The following FBH1 variants were observed in gnomAD, a reference collection of about 807,000 sequenced individuals.
The protein encoded by FBH1 is DNA 3'-5' helicase 1.
A neutral mutation model predicts 115.5 loss-of-function variants in FBH1; 43 were observed. The ratio of observed to expected loss-of-function variants is 0.37; its 90% CI spans 0.29 to 0.48. The LOEUF (loss-of-function observed/expected upper bound fraction) is 0.48. Ranked by LOEUF, FBH1 falls within the 20% of genes least tolerant of loss-of-function variation. The pLI, the probability that FBH1 is intolerant of heterozygous loss-of-function variation, is 0.99. For missense variants in FBH1, 1,001 were observed against 1,337.3 expected, an observed-to-expected ratio of 0.75 and a Z score of 3.92; for synonymous variants, 524 against 507.8, an observed-to-expected ratio of 1.03 and a Z score of -0.43.
rs1832517766 is a variant in FBH1 at position 5,924,569 on chromosome 10, G to A, written c.2596+61G>A. On this transcript the variant is annotated intron_variant, in intron 17 of 20. Transcript: ENST00000362091. The surrounding 1 kb of genome is among the most constrained non-coding windows in gnomAD (Gnocchi z 6.2). ...GAGGAGGAACAGATGGTCTTCTGCT[G>A]TTCTTTTTTTTTTTTTGAGACAGAG... 5 of 1,477,210 alleles carry A rather than the reference G, an allele frequency of 3.4e-6. No individual in the cohort carries two copies. The highest frequency in any genetic ancestry group is 1.4e-5 in the African/African-American group (1 of 69,468). 91.5% of individuals were successfully genotyped at this position (1,477,210 alleles called of 1,614,324 possible). A position where few individuals can be genotyped will look rare whatever the true frequency, so the allele number is the denominator to read the frequency against.
chr10:5,915,350 G>A lies in FBH1; in HGVS notation c.1397-53G>A. The A allele has an allele frequency of 6.3e-7, 1 of 1,589,684 alleles. No individual in the cohort carries two copies. The highest frequency in any genetic ancestry group is 1.3e-5 in the African/African-American group (1 of 74,464). ...GGACAAGGCCTGATTGGGGATCCCT[G>A]GGCATGTCTTGTCTGGTCAGAGGGT... On this transcript the variant is annotated intron_variant, in intron 8 of 20. Transcript: ENST00000362091. This position sits in a 1 kb window ranked among gnomAD's most constrained non-coding sequence, Gnocchi z 5.2.
In FBH1 at chr10:5,914,617, C is replaced by T. The variant is rs977064844; in HGVS notation, c.1396+348C>T. On this transcript the variant is annotated intron_variant, in intron 8 of 20. Transcript: ENST00000362091. This position sits in a 1 kb window ranked among gnomAD's most constrained non-coding sequence, Gnocchi z 5.2. ...TCCCCAGCCCAGGGTTTCAGGAGCT[C>T]CCCAGTTTTATAGGGTGATGTCTAG... Among the ~76,000 whole-genome samples the T allele has an allele frequency of 6.6e-6, 1 of 152,122 alleles. No homozygotes were observed. The highest frequency in any genetic ancestry group is 2.4e-5 in the African/African-American group (1 of 41,406).
Position 5,915,635 on chromosome 10 carries a change from G to A in FBH1, c.1565+64G>A, listed in dbSNP as rs1406695803. On this transcript the variant is annotated intron_variant, in intron 9 of 20. Coordinates refer to ENST00000362091, the MANE Select transcript of FBH1 (RefSeq NM_178150.3). The surrounding 1 kb of genome is among the most constrained non-coding windows in gnomAD (Gnocchi z 5.2). Reference sequence around the variant, plus strand: ...CACGGTCGCGTCTTACTGTTTTCCCGTGACGATCACATGTGAGCTTACACC... The same window carrying A: ...CACGGTCGCGTCTTACTGTTTTCCCATGACGATCACATGTGAGCTTACACC... 28 of 1,500,852 alleles carry A rather than the reference G, an allele frequency of 1.9e-5. No individual in the cohort carries two copies. Among genetic ancestry groups the A allele is most frequent in the South Asian group, 8.5e-5 (7 of 82,834 alleles). 93.0% of individuals were successfully genotyped at this position (1,500,852 alleles called of 1,614,324 possible).
chr10:5,905,752 G>A (rs910525664), intron 2 of FBH1, among the ~76,000 whole-genome samples: 4 of 152,118 alleles, frequency 2.6e-5, no homozygotes, highest in South Asian at 2.1e-4. Context: ...CCTGTGCAGC[G>A]TGTTTCTCTG....
chr10:5,898,097 C>G (rs748153731), intron 1 of FBH1, among the ~76,000 whole-genome samples: 1 of 152,206 alleles, frequency 6.6e-6, no homozygotes, highest in Non-Finnish European at 1.5e-5. Context: ...CCTCATCCTT[C>G]TTGACCCACT....
rs1324958197 is a variant in FBH1, at chr10:5,925,315, T to G, written c.2597-52T>G. On this transcript the variant is annotated intron_variant, in intron 17 of 20. Transcript: ENST00000362091. The surrounding 1 kb of genome is among the most constrained non-coding windows in gnomAD (Gnocchi z 4.6). ...GGAAACATGTATGTTTTTGTCATCT[T>G]GTTTCTTTCCCTTTGAAGCACCATC... 6.3e-7 allele frequency: 1 copy of G among 1,598,328 alleles called. No homozygotes were observed. Among genetic ancestry groups the G allele is most frequent in the African/African-American group, 1.3e-5 (1 of 74,270 alleles).
rs547178364 is a variant in FBH1 at position 5,932,072 on chromosome 10, A to C, written c.2830-4384A>C. ...TGAGGTGGGAGAATCGCGTGAACCC[A>C]GGAGGCGGAGATTGCAGTGAGCTGA... On this transcript the variant is annotated intron_variant, in intron 19 of 20. Coordinates refer to ENST00000362091, the MANE Select transcript of FBH1 (RefSeq NM_178150.3). The surrounding 1 kb of genome is among the most constrained non-coding windows in gnomAD (Gnocchi z 5.9). Among the ~76,000 whole-genome samples the C allele has an allele frequency of 2.6e-5, 4 of 152,324 alleles. No individual in the cohort carries two copies. In the East Asian group the frequency reaches 5.8e-4, roughly 22 times the overall value.
At position 5,906,235 on chromosome 10, in the gene FBH1, C is replaced by A; in HGVS notation, c.356C>A (p.Pro119His). The A allele has an allele frequency of 1.2e-6, 2 of 1,614,230 alleles. No individual in the cohort carries two copies. The highest frequency in any genetic ancestry group is 1.7e-6 in the Non-Finnish European group (2 of 1,180,044). ...CCGGGCTCACCAGGGTCTGCCCCGCCCTCCAGGAAGCGGTCTTGGTCCTCT... is the reference window on the plus strand; with the variant it reads ...CCGGGCTCACCAGGGTCTGCCCCGCACTCCAGGAAGCGGTCTTGGTCCTCT... Reference protein sequence around the residue: ...AGPGSPGSAPPSRKRSWSSEE... With the variant: ...AGPGSPGSAPHSRKRSWSSEE... The change falls in exon 3 of 21, where the codon CCC (proline) becomes CAC (histidine). Residue 119 changes from proline (P) to histidine (H), a missense_variant. Transcript: ENST00000362091. The surrounding 1 kb of genome is among the most constrained non-coding windows in gnomAD (Gnocchi z 7.3).
chr10:5,933,658 T>A lies in FBH1; in HGVS notation c.2830-2798T>A, dbSNP rs552197160. Among the ~76,000 whole-genome samples the A allele has an allele frequency of 0.013, 1,867 of 144,150 alleles. 26 individuals are homozygous for A. Among genetic ancestry groups the A allele is most frequent in the East Asian group, 0.055 (263 of 4,760 alleles). The allele number at this position is 144,150 out of a possible 152,430, so 94.6% of individuals were successfully genotyped here. On this transcript the variant is annotated intron_variant, in intron 19 of 20. Coordinates refer to ENST00000362091, the MANE Select transcript of FBH1 (RefSeq NM_178150.3). The surrounding 1 kb of genome is among the most constrained non-coding windows in gnomAD (Gnocchi z 4.9). The stretch of plus-strand genomic sequence containing the variant: ...CACTCTGCTGTTTTTTTTTTTTTTT[T>A]AAAAAACAGAGTCTCACTCTGTCGC...
Position 5,911,061 on chromosome 10 carries a change from G to C in FBH1, c.1144G>C (p.Glu382Gln). ...SSTVTMPDVT[E>Q]TLYCIAVLLY... is the part of the protein sequence containing the mutation. Reference sequence around the variant, plus strand: ...CACGGTGACCATGCCAGATGTCACCGAGACCCTGTACTGCATAGCCGTGCT... The same window carrying C: ...CACGGTGACCATGCCAGATGTCACCCAGACCCTGTACTGCATAGCCGTGCT... Residue 382 changes from glutamate to glutamine, a missense_variant, in exon 6 of 21, where the codon GAG becomes CAG. Transcript: ENST00000362091. The surrounding 1 kb of genome is among the most constrained non-coding windows in gnomAD (Gnocchi z 5.4). 1 of 1,613,360 alleles carries C rather than the reference G, an allele frequency of 6.2e-7. No homozygotes were observed. Among genetic ancestry groups the C allele is most frequent in the Non-Finnish European group, 8.5e-7 (1 of 1,180,024 alleles).
chr10:5,917,090 G>GT lies in FBH1; in HGVS notation c.1789-329dup. On this transcript the variant is annotated intron_variant, in intron 10 of 20. Coordinates refer to ENST00000362091, the MANE Select transcript of FBH1 (RefSeq NM_178150.3). This position sits in a 1 kb window ranked among gnomAD's most constrained non-coding sequence, Gnocchi z 5.6. ...AAAGTCTGTTTCTTTTTTTCATCAAGTCTTTTCAATCATGTGCCATTGTTT... is the reference window on the plus strand; with the variant it reads ...AAAGTCTGTTTCTTTTTTTCATCAAGTTCTTTTCAATCATGTGCCATTGTTT... 3.7e-6 allele frequency: 1 copy of GT among 270,106 alleles called. No individual in the cohort carries two copies. The highest frequency in any genetic ancestry group is 4.9e-5 in the Admixed American group (1 of 20,558). 16.7% of individuals were successfully genotyped at this position (270,106 alleles called of 1,614,324 possible). A position where few individuals can be genotyped will look rare whatever the true frequency, so the allele number is the denominator to read the frequency against.
rs1382458945 is a variant in FBH1 at position 5,915,647 on chromosome 10, TGTGAG to T, written c.1565+77_1565+81del. The T allele has an allele frequency of 2.8e-5, 40 of 1,404,872 alleles. No individual in the cohort carries two copies. The highest frequency in any genetic ancestry group is 4.0e-5 in the Non-Finnish European group (40 of 1,012,224). 87.0% of individuals were successfully genotyped at this position (1,404,872 alleles called of 1,614,324 possible). On this transcript the variant is annotated intron_variant, in intron 9 of 20. Transcript: ENST00000362091. The surrounding 1 kb of genome is among the most constrained non-coding windows in gnomAD (Gnocchi z 5.2). Reference sequence around the variant, plus strand: ...TTACTGTTTTCCCGTGACGATCACATGTGAGCTTACACCACAGTGACCCCGAGGAG... The same window carrying T: ...TTACTGTTTTCCCGTGACGATCACATCTTACACCACAGTGACCCCGAGGAG...
At chr10:5,903,853 T>C (rs966734767) in intron 2 of FBH1, among the ~76,000 whole-genome samples, 1 of 152,188 alleles carries the variant, frequency 6.6e-6, no homozygotes, top group African/African-American at 2.4e-5. Context: ...CTCCAAAATA[T>C]TCCTTCATCC....
chr10:5,914,076 G>T lies in FBH1; in HGVS notation c.1305-102G>T. 1 of 1,178,840 alleles carries T rather than the reference G, an allele frequency of 8.5e-7. No individual in the cohort carries two copies. 73.0% of individuals were successfully genotyped at this position (1,178,840 alleles called of 1,614,324 possible). A position where few individuals can be genotyped will look rare whatever the true frequency, so the allele number is the denominator to read the frequency against. On this transcript the variant is annotated intron_variant, in intron 7 of 20. Transcript: ENST00000362091. The surrounding 1 kb of genome is among the most constrained non-coding windows in gnomAD (Gnocchi z 5.2). Reference sequence around the variant, plus strand: ...TAAGGGGAGGCCTTTTTTTTGGTCAGCTTTTGTTTATCCAGTTTGTATGTT... The same window carrying T: ...TAAGGGGAGGCCTTTTTTTTGGTCATCTTTTGTTTATCCAGTTTGTATGTT...
In FBH1 at chr10:5,895,149, C is replaced by T. The variant is rs758008740; in HGVS notation, c.1+4803C>T. On this transcript the variant is annotated intron_variant, in intron 1 of 20. Transcript: ENST00000362091. This position sits in a 1 kb window ranked among gnomAD's most constrained non-coding sequence, Gnocchi z 5.0. ...CATCTCCACAGGAGATGCCAGAGGACGAGTGCCCACTTGCTGGTCTTCACA... is the reference window on the plus strand; with the variant it reads ...CATCTCCACAGGAGATGCCAGAGGATGAGTGCCCACTTGCTGGTCTTCACA... 14 of 1,613,494 alleles carry T rather than the reference C, an allele frequency of 8.7e-6. No individual in the cohort carries two copies. Among genetic ancestry groups the T allele is most frequent in the South Asian group, 4.4e-5 (4 of 91,052 alleles).
intron 1 of FBH1, chr10:5,894,635 G>A (rs1842908175): frequency 1.4e-6 from 1 of 720,122 alleles, no homozygotes; most frequent in Admixed American, 2.0e-5. Context: ...GGAGAGTTGA[G>A]AGCTTCAAAG....
rs997716343 is a variant in FBH1, at chr10:5,911,506, C to T, written c.1211+378C>T. On this transcript the variant is annotated intron_variant, in intron 6 of 20. Coordinates refer to ENST00000362091, the MANE Select transcript of FBH1 (RefSeq NM_178150.3). This position sits in a 1 kb window ranked among gnomAD's most constrained non-coding sequence, Gnocchi z 5.4. ...TCCCACTTGTGGGATGGAAAAGACT[C>T]ATCCACCTTATCCTCCATGCGGGAG... 2.6e-5 allele frequency among the ~76,000 whole-genome samples: 4 copies of T among 152,222 alleles called. No individual in the cohort carries two copies. The highest frequency in any genetic ancestry group is 9.7e-5 in the African/African-American group (4 of 41,450).
chr10:5,924,367 A>C lies in FBH1; in HGVS notation c.2455A>C (p.Ser819Arg), dbSNP rs199605113. ...AAGATGGGTGCACAAAGAAGGCTTT[A>C]GTGGCTTCAAGAGGTATGTGACCGC... is the stretch of plus-strand genomic sequence containing the variant. ...IRRWVHKEGF[S>R]GFKRYVTAAE... The change falls in exon 17 of 21, where the codon AGT becomes CGT. Residue 819 changes from serine to arginine, a missense_variant. Ser to Arg is a moderately radical substitution (Grantham distance 110). Coordinates refer to ENST00000362091, the MANE Select transcript of FBH1 (RefSeq NM_178150.3). The surrounding 1 kb of genome is among the most constrained non-coding windows in gnomAD (Gnocchi z 6.2). 1.2e-6 allele frequency: 2 copies of C among 1,614,238 alleles called. No individual in the cohort carries two copies. Among genetic ancestry groups the C allele is most frequent in the Admixed American group, 1.7e-5 (1 of 60,024 alleles).
At position 5,917,089 on chromosome 10, in the gene FBH1, A is replaced by T. The variant is rs951371711; in HGVS notation, c.1789-331A>T. The T allele has an allele frequency of 1.1e-5, 3 of 268,802 alleles. No homozygotes were observed. The highest frequency in any genetic ancestry group is 6.6e-5 in the African/African-American group (3 of 45,792). 16.7% of individuals were successfully genotyped at this position (268,802 alleles called of 1,614,324 possible). On this transcript the variant is annotated intron_variant, in intron 10 of 20. Transcript: ENST00000362091. This position sits in a 1 kb window ranked among gnomAD's most constrained non-coding sequence, Gnocchi z 5.6. ...GAAAGTCTGTTTCTTTTTTTCATCA[A>T]GTCTTTTCAATCATGTGCCATTGTT...
Sources: allele counts gnomAD v4.1 joint callset (sites outside exome capture counted in the v4.1 genomes callset), GRCh38; gene constraint gnomAD v4.1.1; non-coding constraint Gnocchi (gnomAD v3.1); transcripts MANE v1.5; gene names NCBI Gene and HGNC (gene_info 2026-07-23, HGNC 2026-07-21).